Variants in ELP6 observed in about 807,000 individuals in gnomAD.
ELP6 encodes elongator acetyltransferase complex subunit 6.
In ELP6, 23 loss-of-function variants were observed where a neutral mutation model predicts 28.1. The observed-to-expected ratio is 0.82, with a 90% CI of 0.59 to 1.16. ELP6 has a LOEUF of 1.16. Among genes scored for constraint, ELP6 ranks in the 50% most tolerant of loss-of-function variants. The probability of loss-of-function intolerance (pLI) is 0.00; values close to 1 mark genes in which losing one functional copy is unlikely to be tolerated. For missense variants in ELP6, 313 were observed against 334.6 expected (o/e 0.94, Z 0.50); for synonymous variants, 132 against 135.8 (o/e 0.97, Z 0.19).
Position 47,501,788 on chromosome 3 carries a change from T to A in ELP6, c.387A>T (p.Val129=), listed in dbSNP as rs1251274721. The change falls in exon 5 of 7, where the codon GTA becomes GTT. Residue 129 remains valine (V), a synonymous_variant. Coordinates refer to ENST00000296149, the MANE Select transcript of ELP6 (RefSeq NM_001031703.3). ...ACGTCCACCGAGCCTCTCCACTGTC[T>A]ACTGGCTTCAGGGCCTCCCGTACAA... ...FEFVREALKP[V]DSGEARWTYP... is the part of the protein sequence containing the mutation. The A allele has an allele frequency of 6.2e-7, 1 of 1,614,076 alleles. No individual in the cohort carries two copies.
chr3:47,508,610 C>T (rs1370403057), intron 3 of ELP6, among the ~76,000 whole-genome samples: 3 of 152,088 alleles, frequency 2.0e-5, no homozygotes, highest in African/African-American at 4.8e-5. Context: ...TGGTGGATTA[C>T]AATAGCTGAT....
intron 5 of ELP6, among the ~76,000 whole-genome samples, chr3:47,500,719 G>T (rs1056989811): frequency 6.6e-6 from 1 of 151,984 alleles, no homozygotes; most frequent in Non-Finnish European, 1.5e-5. Flanking sequence ...CATTACCCTG[G>T]TTCCTGGCTC....
In ELP6 at chr3:47,498,183, C is replaced by T. The variant is rs567161537; in HGVS notation, c.672+103G>A. On this transcript the variant is annotated intron_variant, in intron 6 of 6. Coordinates refer to ENST00000296149, the MANE Select transcript of ELP6 (RefSeq NM_001031703.3). ...CCAGTGTTTCCCTTCCACCTGAAGT[C>T]ATGTCCCAACCAGACAGTCCCTCAG... 8 of 1,490,676 alleles carry T rather than the reference C, an allele frequency of 5.4e-6. No individual in the cohort carries two copies. In the South Asian group the frequency reaches 6.0e-5, roughly 11 times the overall value. The allele number at this position is 1,490,676 out of a possible 1,614,324, so 92.3% of individuals were successfully genotyped here. A position where few individuals can be genotyped will look rare whatever the true frequency, so the allele number is the denominator to read the frequency against.
In ELP6 at chr3:47,510,223, G is replaced by T; in HGVS notation, c.165C>A (p.Ile55=). The T allele has an allele frequency of 6.2e-7, 1 of 1,613,990 alleles. No homozygotes were observed. The highest frequency in any genetic ancestry group is 8.5e-7 in the Non-Finnish European group (1 of 1,179,900). Residue 55 remains isoleucine, a synonymous_variant, in exon 3 of 7, where the codon ATC becomes ATA. Transcript: ENST00000296149. ...ANCKVCFVAL[I]QSFSHYSIVG... ...CGATACTGTAGTGGCTGAAGGACTGGATGAGTGCCACAAAGCAGACTTTAC... is the reference window on the plus strand; with the variant it reads ...CGATACTGTAGTGGCTGAAGGACTGTATGAGTGCCACAAAGCAGACTTTAC...
At chr3:47,507,447 C>A (rs1478305179) in intron 3 of ELP6, among the ~76,000 whole-genome samples, 2 of 151,520 alleles carry the variant, frequency 1.3e-5, no homozygotes, top group African/African-American at 4.8e-5. Context: ...TCAACAAACA[C>A]CAGGAATGGT....
At chr3:47,503,940 A>T (rs539750485) in intron 4 of ELP6, among the ~76,000 whole-genome samples, 1 of 152,320 alleles carries the variant, frequency 6.6e-6, no homozygotes, top group Non-Finnish European at 1.5e-5. Context: ...CAAACAGTTT[A>T]AAAAATATGA....
At chr3:47,496,728 A>C in intron 6 of ELP6, 2 of 923,552 alleles carry the variant, frequency 2.2e-6, no homozygotes, top group Non-Finnish European at 2.6e-6. Flanking sequence ...CTCTGACCTC[A>C]GGTGATCCGC....
At chr3:47,503,126 TTGGGATGAGGTATAACCAGCCCC>T (rs1403238953) in intron 4 of ELP6, 3 of 1,113,716 alleles carry the variant, frequency 2.7e-6, no homozygotes, top group Non-Finnish European at 3.3e-6. Flanking sequence ...TCCCCATACC[TTGGGATGAGGTATAACCAGCCCC>T]TGCCTTCAAA....
At chr3:47,500,109 C>A in intron 5 of ELP6, 1 of 1,190,712 alleles carries the variant, frequency 8.4e-7, no homozygotes, top group Non-Finnish European at 1.1e-6. Flanking sequence ...GGACTGGCAT[C>A]TGCACAGCCA....
chr3:47,506,166 G>C (rs571402279), intron 3 of ELP6, among the ~76,000 whole-genome samples: 1 of 152,194 alleles, frequency 6.6e-6, no homozygotes, highest in Non-Finnish European at 1.5e-5. Flanking sequence ...AAAAGGGGAC[G>C]GAGTGTGCGA....
intron 1 of ELP6, chr3:47,513,226 A>T: frequency 8.2e-7 from 1 of 1,219,478 alleles, no homozygotes; most frequent in Non-Finnish European, 1.0e-6. Context: ...TCTTGACCTT[A>T]GATGATGCAC....
intron 1 of ELP6, chr3:47,511,748 T>A: frequency 1.0e-6 from 1 of 973,482 alleles, no homozygotes; most frequent in Non-Finnish European, 1.2e-6. Flanking sequence ...ATGGCCCTGC[T>A]TCAGAGGCCT....
chr3:47,506,734 TAATGC>T (rs1306298997), intron 3 of ELP6, among the ~76,000 whole-genome samples: 3 of 152,340 alleles, frequency 2.0e-5, no homozygotes, highest in Admixed American at 6.5e-5. Flanking sequence ...TTTGTGCAGT[TAATGC>T]AATTATCACA....
intron 5 of ELP6, chr3:47,499,852 C>A: frequency 9.1e-6 from 11 of 1,208,412 alleles, no homozygotes; most frequent in Non-Finnish European, 1.0e-5. Context: ...AACTCAGCAC[C>A]AAATAACTCC....
At chr3:47,503,099 C>G in intron 4 of ELP6, 1 of 1,058,632 alleles carries the variant, frequency 9.4e-7, no homozygotes, top group Non-Finnish European at 1.1e-6. Flanking sequence ...GTTATCTTCA[C>G]TAACAATGAA....
intron 4 of ELP6, 89 bp from the exon 5 acceptor site, chr3:47,501,940 G>A (rs921413932): frequency 8.1e-6 from 10 of 1,240,324 alleles, no homozygotes; most frequent in Non-Finnish European, 5.7e-6. Context: ...AGGGCTAAGG[G>A]GGACAAAGAA....
chr3:47,513,375 C>T (rs2029954445), intron 1 of ELP6, 162 bp downstream of exon 1: 10 of 1,420,664 alleles, frequency 7.0e-6, no homozygotes, highest in Admixed American at 3.1e-5. Context: ...GGGCCCAAGC[C>T]TCCAGTCCAA....
intron 4 of ELP6, chr3:47,503,149 C>G: frequency 8.7e-7 from 1 of 1,147,488 alleles, no homozygotes; most frequent in South Asian, 1.9e-5. Context: ...TAACCAGCCC[C>G]TGCCTTCAAA....
At position 47,500,967 on chromosome 3, in the gene ELP6, G is replaced by A. The variant is rs530796534; in HGVS notation, c.525+683C>T. Among the ~76,000 whole-genome samples, 9 of 152,316 alleles carry A rather than the reference G, an allele frequency of 5.9e-5. No individual in the cohort carries two copies. The South Asian group carries it at 1.9e-3, about 32-fold the overall frequency. ...GCTACTGTGGGCCAGACACAGTGCT[G>A]GCATGTTACAAGCTTCATCTCACTT... is the stretch of plus-strand genomic sequence containing the variant. On this transcript the variant is annotated intron_variant, in intron 5 of 6. Coordinates refer to ENST00000296149, the MANE Select transcript of ELP6 (RefSeq NM_001031703.3).
Sources: gnomAD v4.1 joint callset for allele counts (sites outside exome capture counted in the v4.1 genomes callset) on GRCh38, gnomAD v4.1.1 for gene constraint, MANE v1.5 for transcripts, NCBI Gene and HGNC (gene_info 2026-07-23, HGNC 2026-07-21) for gene names.